Variants in IGFBP5 observed in about 807,000 individuals in gnomAD.
IGFBP5 encodes the protein insulin-like growth factor-binding protein 5.
A neutral mutation model predicts 28.0 loss-of-function variants in IGFBP5; 12 were observed. That is an observed-to-expected ratio of 0.43 (90% CI 0.27 to 0.69). The LOEUF is 0.69. Ranked by LOEUF, IGFBP5 falls within the 30% of genes least tolerant of loss-of-function variation. The pLI is 0.20. For missense variants in IGFBP5, 344 were observed against 381.6 expected (o/e 0.90, Z 0.82); for synonymous variants, 152 against 150.2 (o/e 1.01, Z -0.09).
Position 216,676,605 on chromosome 2 carries a change from G to T in IGFBP5, c.*146C>A. The T allele has an allele frequency of 1.9e-6, 1 of 522,464 alleles. No homozygotes were observed. The highest frequency in any genetic ancestry group is 3.0e-5 in the South Asian group (1 of 33,202). The allele number at this position is 522,464 out of a possible 1,614,324, so 32.4% of individuals were successfully genotyped here. On this transcript the variant is annotated 3_prime_UTR_variant, in exon 4 of 4. Coordinates refer to ENST00000233813, the MANE Select transcript of IGFBP5 (RefSeq NM_000599.4). ...AAGTTGAGCCCTTGCTAGAGATTCC[G>T]AGGTCCTCAGTTTCCTCAAATAGAT... is the stretch of plus-strand genomic sequence containing the variant.
intron 1 of IGFBP5, among the ~76,000 whole-genome samples, chr2:216,685,374 T>A (rs1452543662): frequency 6.6e-6 from 1 of 152,206 alleles, no homozygotes; most frequent in Non-Finnish European, 1.5e-5. Context: ...TCAGTCACTC[T>A]AGCCATATTT....
Position 216,694,489 on chromosome 2 carries a change from C to CCGTGCAGCAGGG in IGFBP5, c.275_286dup (p.Ala92_His95dup). Reference sequence around the variant, plus strand: ...CTTTTCGTTGAGGCAAACCCCGCGGCCGTGCAGCAGGGCGTGCAGCGGCTT... The same window carrying CCGTGCAGCAGGG: ...CTTTTCGTTGAGGCAAACCCCGCGGCCGTGCAGCAGGGCGTGCAGCAGGGCGTGCAGCGGCTT... On this transcript the variant is annotated inframe_insertion, in exon 1 of 4. Transcript: ENST00000233813. The surrounding 1 kb of genome is among the most constrained non-coding windows in gnomAD (Gnocchi z 5.2). The CCGTGCAGCAGGG allele has an allele frequency of 6.3e-7, 1 of 1,589,698 alleles. No individual in the cohort carries two copies. Among genetic ancestry groups the CCGTGCAGCAGGG allele is most frequent in the Non-Finnish European group, 8.5e-7 (1 of 1,171,518 alleles).
At chr2:216,680,857 C>A (rs1402447647) in intron 1 of IGFBP5, among the ~76,000 whole-genome samples, 1 of 152,082 alleles carries the variant, frequency 6.6e-6, no homozygotes, top group African/African-American at 2.4e-5. Flanking sequence ...GGACTCTCAC[C>A]CCCTCTTCCC....
At chr2:216,677,382 G>A (rs562981351) in intron 3 of IGFBP5, among the ~76,000 whole-genome samples, 3 of 152,316 alleles carry the variant, frequency 2.0e-5, no homozygotes, top group African/African-American at 7.2e-5. Context: ...TTATCATGTA[G>A]TAGACACCAC....
At chr2:216,677,007 C>T (rs903852219) in intron 3 of IGFBP5, 125 bp from the exon 4 acceptor site, 8 of 1,041,746 alleles carry the variant, frequency 7.7e-6, no homozygotes, top group East Asian at 5.5e-5. Flanking sequence ...GCACTAGACC[C>T]GACCCTTGGG....
intron 1 of IGFBP5, among the ~76,000 whole-genome samples, chr2:216,688,350 A>G (rs950025225): frequency 6.6e-6 from 1 of 152,192 alleles, no homozygotes; most frequent in African/African-American, 2.4e-5. Flanking sequence ...GCTAAATATG[A>G]AGGAAAGAAT....
intron 1 of IGFBP5, among the ~76,000 whole-genome samples, chr2:216,681,585 A>G (rs890069936): frequency 6.6e-6 from 1 of 152,056 alleles, no homozygotes; most frequent in Non-Finnish European, 1.5e-5. Flanking sequence ...CATTTAGTCC[A>G]TCCCCCTGTG....
rs916957321 is a variant in IGFBP5, at chr2:216,673,172, C to T, written c.*3579G>A. On this transcript the variant is annotated 3_prime_UTR_variant, in exon 4 of 4. Transcript: ENST00000233813. This position sits in a 1 kb window ranked among gnomAD's most constrained non-coding sequence, Gnocchi z 4.3. Reference sequence around the variant, plus strand: ...GGCGGTTGCCGTGGCAGCCCTGTCTCACTAACCGGTGCGTGGCGGGAGCAG... The same window carrying T: ...GGCGGTTGCCGTGGCAGCCCTGTCTTACTAACCGGTGCGTGGCGGGAGCAG... 6.5e-6 allele frequency: 1 copy of T among 152,724 alleles called. No homozygotes were observed. The highest frequency in any genetic ancestry group is 6.5e-5 in the Admixed American group (1 of 15,290). 9.5% of individuals were successfully genotyped at this position (152,724 alleles called of 1,614,324 possible).
rs201905233 is a variant in IGFBP5, at chr2:216,678,982, G to A, written c.435C>T (p.Ser145=). 4.3e-5 allele frequency: 70 copies of A among 1,614,156 alleles called. No individual in the cohort carries two copies. The highest frequency in any genetic ancestry group is 1.3e-4 in the South Asian group (12 of 91,072). Residue 145 remains serine (S), a synonymous_variant, in exon 2 of 4, where the codon TCC becomes TCT. Transcript: ENST00000233813. ...KIFRPKHTRI[S]ELKAEAVKKD... ...TCTTCACTGCTTCAGCCTTCAGCTC[G>A]GAGATGCGGGTGTGTTTGGGCCGGA... is the stretch of plus-strand genomic sequence containing the variant.
In IGFBP5 at chr2:216,694,484, C is replaced by A; in HGVS notation, c.292G>T (p.Gly98Trp). The A allele has an allele frequency of 6.3e-7, 1 of 1,588,650 alleles. No individual in the cohort carries two copies. Among genetic ancestry groups the A allele is most frequent in the East Asian group, 2.3e-5 (1 of 43,476 alleles). The change falls in exon 1 of 4, where the codon GGG (glycine) becomes TGG (tryptophan). Residue 98 changes from glycine to tryptophan, a missense_variant. Gly to Trp is a radical substitution (Grantham distance 184, BLOSUM62 -2). Around this residue, in one of 3 missense-constraint regions of IGFBP5, gnomAD observed 304 missense variants for 329.2 expected, o/e 0.92. Transcript: ENST00000233813. The surrounding 1 kb of genome is among the most constrained non-coding windows in gnomAD (Gnocchi z 5.2). ...TAGCTCTTTTCGTTGAGGCAAACCC[C>A]GCGGCCGTGCAGCAGGGCGTGCAGC... ...KPLHALLHGR[G>W]VCLNEKSYRE...
In IGFBP5 at chr2:216,692,160, A is replaced by AC. The variant is rs532731681; in HGVS notation, c.337+2278dup. ...ATCTGTTCGGGAAGAAGATGTCGGC[A>AC]CCAGCAGCGGTGGAGCGCCGCCAAC... On this transcript the variant is annotated intron_variant, in intron 1 of 3. Transcript: ENST00000233813. The surrounding 1 kb of genome is among the most constrained non-coding windows in gnomAD (Gnocchi z 4.2). Among the ~76,000 whole-genome samples, 374 of 152,238 alleles carry AC rather than the reference A, an allele frequency of 2.5e-3. 3 individuals carry two copies. The highest frequency in any genetic ancestry group is 8.4e-3 in the African/African-American group (350 of 41,532).
At chr2:216,687,139 C>G (rs753865411) in intron 1 of IGFBP5, among the ~76,000 whole-genome samples, 7 of 152,160 alleles carry the variant, frequency 4.6e-5, no homozygotes, top group Non-Finnish European at 8.8e-5. Flanking sequence ...GCTCCTTGGA[C>G]TGCAGGAAGG....
In IGFBP5 at chr2:216,673,988, C is replaced by G. The variant is rs576573968; in HGVS notation, c.*2763G>C. ...AAGAGTCTGGCGCACTTACACCAGG[C>G]TCTAATCCCCCACCTGATGGCTGGC... On this transcript the variant is annotated 3_prime_UTR_variant, in exon 4 of 4. Coordinates refer to ENST00000233813, the MANE Select transcript of IGFBP5 (RefSeq NM_000599.4). The surrounding 1 kb of genome is among the most constrained non-coding windows in gnomAD (Gnocchi z 4.3). 18 of 152,814 alleles carry G rather than the reference C, an allele frequency of 1.2e-4. No individual in the cohort carries two copies. Among genetic ancestry groups the G allele is most frequent in the African/African-American group, 3.8e-4 (16 of 41,586 alleles). 9.5% of individuals were successfully genotyped at this position (152,814 alleles called of 1,614,324 possible). A position where few individuals can be genotyped will look rare whatever the true frequency, so the allele number is the denominator to read the frequency against.
rs762840119 is a variant in IGFBP5 at position 216,679,218 on chromosome 2, A to G, written c.338-139T>C. 1.4e-6 allele frequency: 1 copy of G among 694,980 alleles called. No homozygotes were observed. The highest frequency in any genetic ancestry group is 1.5e-5 in the South Asian group (1 of 65,250). The allele number at this position is 694,980 out of a possible 1,614,324, so 43.1% of individuals were successfully genotyped here. Reference sequence around the variant, plus strand: ...CTCTGCCCTCCTGGAGCACACCCTGAAAGCAGGGGGATAAGAACCAGGAAG... The same window carrying G: ...CTCTGCCCTCCTGGAGCACACCCTGGAAGCAGGGGGATAAGAACCAGGAAG... On this transcript the variant is annotated intron_variant, in intron 1 of 3. Transcript: ENST00000233813. This position sits in a 1 kb window ranked among gnomAD's most constrained non-coding sequence, Gnocchi z 4.6.
In IGFBP5 at chr2:216,684,777, A is replaced by G. The variant is rs1257660969; in HGVS notation, c.338-5698T>C. On this transcript the variant is annotated intron_variant, in intron 1 of 3. Transcript: ENST00000233813. ...TAAATCTGCCCAAGAGGCAAAGAGA[A>G]GTAGGTCTGGAAGTATTTCTGTAAT... Among the ~76,000 whole-genome samples, 3 of 152,210 alleles carry G rather than the reference A, an allele frequency of 2.0e-5. 1 individual carries two copies. The highest frequency in any genetic ancestry group is 4.4e-5 in the Non-Finnish European group (3 of 68,036).
At chr2:216,685,864 A>C (rs1463303108) in intron 1 of IGFBP5, among the ~76,000 whole-genome samples, 1 of 152,154 alleles carries the variant, frequency 6.6e-6, no homozygotes, top group Non-Finnish European at 1.5e-5. Context: ...CTCTCTCAGA[A>C]GACATTTTTT....
chr2:216,678,951 G>T lies in IGFBP5; in HGVS notation c.466C>A (p.Arg156Ser). The T allele has an allele frequency of 6.2e-7, 1 of 1,614,140 alleles. No homozygotes were observed. Among genetic ancestry groups the T allele is most frequent in the Non-Finnish European group, 8.5e-7 (1 of 1,180,034 alleles). ...TTGGACTGGGTCAGCTTCTTTCTGCGGTCCTTCTTCACTGCTTCAGCCTTC... is the reference window on the plus strand; with the variant it reads ...TTGGACTGGGTCAGCTTCTTTCTGCTGTCCTTCTTCACTGCTTCAGCCTTC... ...ELKAEAVKKD[R>S]RKKLTQSKFV... is the part of the protein sequence containing the mutation. The change falls in exon 2 of 4, where the codon CGC (arginine) becomes AGC (serine). Residue 156 changes from arginine to serine, a missense_variant. Arg to Ser is a moderately radical substitution (Grantham distance 110). Around this residue, in one of 3 missense-constraint regions of IGFBP5, gnomAD observed 304 missense variants for 329.2 expected, o/e 0.92. Transcript: ENST00000233813.
rs915402140 is a variant in IGFBP5 at position 216,694,078 on chromosome 2, G to C, written c.337+361C>G. Reference sequence around the variant, plus strand: ...TATGCGGGGCGCGAGGGGGGTGGAGGAGGGAGTTGATAATGTAACATACAC... The same window carrying C: ...TATGCGGGGCGCGAGGGGGGTGGAGCAGGGAGTTGATAATGTAACATACAC... On this transcript the variant is annotated intron_variant, in intron 1 of 3. Transcript: ENST00000233813. The surrounding 1 kb of genome is among the most constrained non-coding windows in gnomAD (Gnocchi z 5.2). 1.3e-5 allele frequency among the ~76,000 whole-genome samples: 2 copies of C among 151,942 alleles called. No homozygotes were observed. Among genetic ancestry groups the C allele is most frequent in the African/African-American group, 4.8e-5 (2 of 41,328 alleles).
chr2:216,679,093 A>T lies in IGFBP5; in HGVS notation c.338-14T>A. On this transcript the variant is annotated splice_polypyrimidine_tract_variant and intron_variant, in intron 1 of 3. Transcript: ENST00000233813. The surrounding 1 kb of genome is among the most constrained non-coding windows in gnomAD (Gnocchi z 4.6). ...GGGAGTCTCTCTCTGCAGGAGAAGG[A>T]GCCGGAGGGTCAGCCCCCGTGGGCC... is the stretch of plus-strand genomic sequence containing the variant. 6.2e-7 allele frequency: 1 copy of T among 1,612,470 alleles called. No individual in the cohort carries two copies. The highest frequency in any genetic ancestry group is 1.1e-5 in the South Asian group (1 of 91,032).
Sources: allele counts gnomAD v4.1 joint callset (sites outside exome capture counted in the v4.1 genomes callset), GRCh38; gene constraint gnomAD v4.1.1; regional missense constraint gnomAD v4.1.1; non-coding constraint Gnocchi (gnomAD v3.1); transcripts MANE v1.5; gene names NCBI Gene and HGNC (gene_info 2026-07-23, HGNC 2026-07-21).